The following ARHGEF26 variants were observed in gnomAD, a reference collection of about 807,000 sequenced individuals.
ARHGEF26 encodes Rho guanine nucleotide exchange factor 26.
In ARHGEF26, 59 loss-of-function variants were observed where a neutral mutation model predicts 89.4. That is an observed-to-expected ratio of 0.66 (90% CI 0.54 to 0.82). The LOEUF (loss-of-function observed/expected upper bound fraction) is 0.82, where lower values mean the gene tolerates loss of function less well. Ranked by LOEUF, ARHGEF26 falls within the 40% of genes least tolerant of loss-of-function variation. The probability of loss-of-function intolerance (pLI) is 0.00; values close to 1 mark genes in which losing one functional copy is unlikely to be tolerated. For synonymous variants in ARHGEF26, 500 were observed against 428.4 expected (o/e 1.17, Z -2.06); for missense variants, 1,234 against 1,085.6 (o/e 1.14, Z -1.92).
chr3:154,184,129 C>A (rs1319626428), intron 6 of ARHGEF26, among the ~76,000 whole-genome samples: 1 of 152,004 alleles, frequency 6.6e-6, no homozygotes, highest in East Asian at 1.9e-4. Flanking sequence ...TCTGCCACCA[C>A]CCCCGGCTAA....
At chr3:154,196,847 G>C (rs918766689) in intron 9 of ARHGEF26, among the ~76,000 whole-genome samples, 2 of 151,730 alleles carry the variant, frequency 1.3e-5, no homozygotes, top group East Asian at 3.9e-4. Flanking sequence ...GACATAAATG[G>C]GATTTTGACA....
chr3:154,224,136 G>A (rs1215738271), intron 10 of ARHGEF26, among the ~76,000 whole-genome samples: 2 of 152,024 alleles, frequency 1.3e-5, no homozygotes, highest in African/African-American at 4.8e-5. Context: ...CTTACTAGGG[G>A]AATTCACTCA....
intron 4 of ARHGEF26, among the ~76,000 whole-genome samples, chr3:154,148,705 G>A (rs1053989822): frequency 5.3e-5 from 8 of 152,190 alleles, no homozygotes; most frequent in African/African-American, 1.9e-4. Context: ...GAAATCCTGT[G>A]AAATTCCTGC....
chr3:154,218,028 G>T, intron 10 of ARHGEF26, 70 bp downstream of exon 10: 1 of 1,337,700 alleles, frequency 7.5e-7, no homozygotes, highest in Non-Finnish European at 1.0e-6. Context: ...ACAGTTGAGG[G>T]CAACAAAGTA....
Position 154,256,780 on chromosome 3 carries a change from C to A in ARHGEF26, c.*1307C>A. 1 of 1,467,014 alleles carries A rather than the reference C, an allele frequency of 6.8e-7. No individual in the cohort carries two copies. The highest frequency in any genetic ancestry group is 1.4e-5 in the South Asian group (1 of 70,950). 90.9% of individuals were successfully genotyped at this position (1,467,014 alleles called of 1,614,324 possible). A position where few individuals can be genotyped will look rare whatever the true frequency, so the allele number is the denominator to read the frequency against. On this transcript the variant is annotated 3_prime_UTR_variant, in exon 15 of 15. Coordinates refer to ENST00000465093, the MANE Select transcript of ARHGEF26 (RefSeq NM_015595.4). Reference sequence around the variant, plus strand: ...AAACCTTTTGACCTTAGTGGGAATTCATTCTATTTGCACTAAAAGCCTTAA... The same window carrying A: ...AAACCTTTTGACCTTAGTGGGAATTAATTCTATTTGCACTAAAAGCCTTAA...
intron 9 of ARHGEF26, among the ~76,000 whole-genome samples, chr3:154,216,435 T>A (rs1330563330): frequency 1.3e-5 from 2 of 151,424 alleles, no homozygotes; most frequent in Non-Finnish European, 2.9e-5. Flanking sequence ...TGAAGAATCC[T>A]TCACTGTTAG....
intron 6 of ARHGEF26, among the ~76,000 whole-genome samples, chr3:154,170,736 A>G (rs538017355): frequency 1.2e-4 from 19 of 152,222 alleles, no homozygotes; most frequent in Non-Finnish European, 2.1e-4. Flanking sequence ...CTCCTGGTAT[A>G]CAGTTAGTGC....
intron 11 of ARHGEF26, among the ~76,000 whole-genome samples, chr3:154,234,899 G>C (rs1717020311): frequency 6.6e-6 from 1 of 152,084 alleles, no homozygotes; most frequent in Admixed American, 6.6e-5. Flanking sequence ...CTGAGTAGCT[G>C]GGACTACAGG....
At chr3:154,183,378 T>G (rs915222212) in intron 6 of ARHGEF26, among the ~76,000 whole-genome samples, 1 of 152,208 alleles carries the variant, frequency 6.6e-6, no homozygotes, top group African/African-American at 2.4e-5. Context: ...AGGAAATAAG[T>G]GGAAGTATTA....
In ARHGEF26 at chr3:154,121,929, C is replaced by T. The variant is rs982096151; in HGVS notation, c.-51-13C>T. 5 of 1,515,582 alleles carry T rather than the reference C, an allele frequency of 3.3e-6. No individual in the cohort carries two copies. Among genetic ancestry groups the T allele is most frequent in the Middle Eastern group, 3.9e-4 (2 of 5,168 alleles). 93.9% of individuals were successfully genotyped at this position (1,515,582 alleles called of 1,614,324 possible). A position where few individuals can be genotyped will look rare whatever the true frequency, so the allele number is the denominator to read the frequency against. Reference sequence around the variant, plus strand: ...GTCCAGAGGCACAGTTTCCTAACTTCTTTCCTCTTTAGGCAAGACTAACTC... The same window carrying T: ...GTCCAGAGGCACAGTTTCCTAACTTTTTTCCTCTTTAGGCAAGACTAACTC... On this transcript the variant is annotated splice_polypyrimidine_tract_variant and intron_variant, in intron 1 of 14. Coordinates refer to ENST00000465093, the MANE Select transcript of ARHGEF26 (RefSeq NM_015595.4).
At chr3:154,230,742 C>T (rs1716779968) in intron 11 of ARHGEF26, among the ~76,000 whole-genome samples, 1 of 152,124 alleles carries the variant, frequency 6.6e-6, no homozygotes, top group South Asian at 2.1e-4. Flanking sequence ...CTGTGTATAG[C>T]TTGAGCCCTG....
intron 6 of ARHGEF26, among the ~76,000 whole-genome samples, chr3:154,155,202 A>C (rs901755653): frequency 1.3e-5 from 2 of 152,090 alleles, no homozygotes; most frequent in Non-Finnish European, 1.5e-5. Flanking sequence ...AATAAGAGCC[A>C]TCTGGAACAT....
chr3:154,248,113 C>T (rs1305718206), intron 12 of ARHGEF26, among the ~76,000 whole-genome samples: 4 of 152,264 alleles, frequency 2.6e-5, no homozygotes, highest in South Asian at 2.1e-4. Flanking sequence ...TAGTGTATAC[C>T]GTCATGAAAC....
At chr3:154,196,135 A>G (rs947111962) in intron 9 of ARHGEF26, among the ~76,000 whole-genome samples, 3 of 152,140 alleles carry the variant, frequency 2.0e-5, no homozygotes, top group African/African-American at 7.2e-5. Context: ...AGCTGAGTGT[A>G]TTGAGAAATG....
intron 9 of ARHGEF26, among the ~76,000 whole-genome samples, chr3:154,195,607 G>C (rs73872149): frequency 1.3e-5 from 2 of 152,152 alleles, no homozygotes; most frequent in African/African-American, 4.8e-5. Flanking sequence ...TCTGTGGCTT[G>C]GGCAGCGAGG....
Position 154,122,444 on chromosome 3 carries a change from A to G in ARHGEF26, c.452A>G (p.Asn151Ser). The G allele has an allele frequency of 6.2e-7, 1 of 1,611,554 alleles. No homozygotes were observed. ...PPVLRPPRTP[N>S]APAPCTPEED... ...GTTCTGCGCCCCCCGCGGACTCCTA[A>G]CGCGCCCGCCCCCTGCACCCCCGAG... The change falls in exon 2 of 15, where the codon AAC becomes AGC. Residue 151 changes from asparagine (N) to serine (S), a missense_variant. Asn to Ser is a conservative substitution (Grantham distance 46). Coordinates refer to ENST00000465093, the MANE Select transcript of ARHGEF26 (RefSeq NM_015595.4).
intron 3 of ARHGEF26, among the ~76,000 whole-genome samples, 160 bp downstream of exon 3, chr3:154,124,609 A>G (rs1390844559): frequency 1.3e-5 from 2 of 152,164 alleles, no homozygotes; most frequent in Non-Finnish European, 2.9e-5. Flanking sequence ...CTAAATTTTT[A>G]TCTAGTAATA....
intron 9 of ARHGEF26, among the ~76,000 whole-genome samples, chr3:154,212,639 A>G (rs1475352811): frequency 6.6e-6 from 1 of 152,094 alleles, no homozygotes; most frequent in Non-Finnish European, 1.5e-5. Flanking sequence ...TTTCGGGATG[A>G]AACCATTTCA....
rs1420912628 is a variant in ARHGEF26, at chr3:154,239,295, AGAGAGTGTGTGTGTGTGT to A, written c.2091-1073_2091-1056del. ...GAGAGAGAGAGAGAGAGAGAGAGAG[AGAGAGTGTGTGTGTGTGT>A]GTGTGTGTGTGTGTGTGTGTGTGTG... On this transcript the variant is annotated intron_variant, in intron 11 of 14. Coordinates refer to ENST00000465093, the MANE Select transcript of ARHGEF26 (RefSeq NM_015595.4). Among the ~76,000 whole-genome samples the A allele has an allele frequency of 9.9e-3, 580 of 58,644 alleles. 4 individuals carry two copies. The highest frequency in any genetic ancestry group is 0.033 in the African/African-American group (545 of 16,280). 38.5% of individuals were successfully genotyped at this position (58,644 alleles called of 152,430 possible). A position where few individuals can be genotyped will look rare whatever the true frequency, so the allele number is the denominator to read the frequency against.
Sources: allele counts gnomAD v4.1 joint callset (sites outside exome capture counted in the v4.1 genomes callset), GRCh38; gene constraint gnomAD v4.1.1; transcripts MANE v1.5; gene names NCBI Gene and HGNC (gene_info 2026-07-23, HGNC 2026-07-21).